Variants in RNF217 observed in about 807,000 individuals in gnomAD.
The protein encoded by RNF217 is E3 ubiquitin-protein ligase RNF217.
A neutral mutation model predicts 57.8 loss-of-function variants in RNF217; 31 were observed. The observed-to-expected ratio is 0.54, with a 90% CI of 0.40 to 0.72. The LOEUF is 0.72. Ranked by LOEUF, RNF217 falls within the 30% of genes least tolerant of loss-of-function variation. RNF217 has a pLI of 0.00. For missense variants in RNF217, 696 were observed against 708.3 expected, an observed-to-expected ratio of 0.98 and a Z score of 0.20; for synonymous variants, 313 against 294.0, an observed-to-expected ratio of 1.06 and a Z score of -0.66.
chr6:125,041,922 C>T (rs1162747341), intron 1 of RNF217, among the ~76,000 whole-genome samples: 1 of 151,882 alleles, frequency 6.6e-6, no homozygotes, highest in East Asian at 1.9e-4. Flanking sequence ...AAAGTAAAAA[C>T]ACTGCAAATT....
In RNF217 at chr6:124,963,135, T is replaced by TCCCAGCACCCGCTCTTCCTTC; in HGVS notation, c.598_618dup (p.Thr200_Ser206dup). The TCCCAGCACCCGCTCTTCCTTC allele has an allele frequency of 6.5e-7, 1 of 1,534,376 alleles. No individual in the cohort carries two copies. Among genetic ancestry groups the TCCCAGCACCCGCTCTTCCTTC allele is most frequent in the Non-Finnish European group, 8.7e-7 (1 of 1,146,164 alleles). On this transcript the variant is annotated inframe_insertion, in exon 1 of 6. Coordinates refer to ENST00000521654, the MANE Select transcript of RNF217 (RefSeq NM_001286398.3). ...CTGGGGCTCCGCCAGTGTTGAACCC[T>TCCCAGCACCCGCTCTTCCTTC]CCCAGCACCCGCTCTTCCTTCCCCA...
At chr6:124,980,137 G>A (rs1562450305) in intron 1 of RNF217, among the ~76,000 whole-genome samples, 4 of 152,028 alleles carry the variant, frequency 2.6e-5, no homozygotes, top group Non-Finnish European at 5.9e-5. Context: ...TTGTTTGTTT[G>A]TTTTTAATGT....
At chr6:125,031,884 T>G (rs539463) in intron 1 of RNF217, among the ~76,000 whole-genome samples, 64,102 of 151,482 alleles carry the variant, frequency 0.42, 13,828 homozygotes, top group African/African-American at 0.52. Context: ...TTTTCACACT[T>G]TTGACAAAGA....
At chr6:124,968,565 G>A (rs190024273) in intron 1 of RNF217, among the ~76,000 whole-genome samples, 16 of 152,216 alleles carry the variant, frequency 1.1e-4, no homozygotes, top group Admixed American at 8.5e-4. Flanking sequence ...GACTTTTTCC[G>A]AGGCATGCTG....
intron 1 of RNF217, among the ~76,000 whole-genome samples, chr6:124,982,419 CT>C (rs1784211989): frequency 6.6e-6 from 1 of 151,968 alleles, no homozygotes; most frequent in South Asian, 2.1e-4. Context: ...ATACAAGATA[CT>C]TTTTCAATAT....
chr6:125,068,295 C>A (rs776804706), intron 3 of RNF217, among the ~76,000 whole-genome samples: 3 of 152,150 alleles, frequency 2.0e-5, no homozygotes, highest in African/African-American at 4.8e-5. Context: ...TTAGTAGATA[C>A]AATGCCATAA....
intron 4 of RNF217, among the ~76,000 whole-genome samples, chr6:125,078,332 AT>A (rs554266470): frequency 3.9e-4 from 60 of 152,160 alleles, no homozygotes; most frequent in African/African-American, 1.1e-3. Context: ...AAATCACTGT[AT>A]TTTTTGCATT....
chr6:125,023,120 T>C (rs1785911402), intron 1 of RNF217, among the ~76,000 whole-genome samples: 1 of 152,150 alleles, frequency 6.6e-6, no homozygotes, highest in South Asian at 2.1e-4. Flanking sequence ...GAGCAAGTCT[T>C]GTTAAGGATC....
intron 5 of RNF217, chr6:125,082,572 C>A: frequency 6.2e-7 from 1 of 1,608,974 alleles, no homozygotes; most frequent in South Asian, 1.1e-5. Flanking sequence ...GTGTGAGTAT[C>A]ATAGTGTGCA....
At position 124,962,631 on chromosome 6, in the gene RNF217, G is replaced by A; in HGVS notation, c.87G>A (p.Glu29=). 7.6e-7 allele frequency: 1 copy of A among 1,319,268 alleles called. No individual in the cohort carries two copies. Among genetic ancestry groups the A allele is most frequent in the East Asian group, 3.2e-5 (1 of 31,372 alleles). The allele number at this position is 1,319,268 out of a possible 1,614,324, so 81.7% of individuals were successfully genotyped here. A position where few individuals can be genotyped will look rare whatever the true frequency, so the allele number is the denominator to read the frequency against. The change falls in exon 1 of 6, where the codon GAG becomes GAA. Residue 29 remains glutamate (E), a synonymous_variant. Coordinates refer to ENST00000521654, the MANE Select transcript of RNF217 (RefSeq NM_001286398.3). This position sits in a 1 kb window ranked among gnomAD's most constrained non-coding sequence, Gnocchi z 4.6. ...TLASGTAGHP[E]PPRPQGDSAR... is the part of the protein sequence containing the mutation. ...CCAGTGGCACTGCGGGCCACCCTGA[G>A]CCCCCGAGGCCTCAGGGGGACAGCG...
intron 1 of RNF217, among the ~76,000 whole-genome samples, chr6:125,012,617 T>C (rs1582707383): frequency 6.6e-6 from 1 of 152,310 alleles, no homozygotes. Context: ...AAATTTATTC[T>C]ATGCAGAATT....
intron 2 of RNF217, among the ~76,000 whole-genome samples, chr6:125,056,257 C>T (rs1272808415): frequency 6.6e-6 from 1 of 152,118 alleles, no homozygotes; most frequent in African/African-American, 2.4e-5. Context: ...TGCTGTGTTA[C>T]CTTCAGCAAG....
chr6:125,084,107 T>G lies in RNF217; in HGVS notation c.*1170T>G, dbSNP rs1278142834. 6.6e-6 allele frequency: 1 copy of G among 152,030 alleles called. No individual in the cohort carries two copies. The highest frequency in any genetic ancestry group is 1.5e-5 in the Non-Finnish European group (1 of 67,956). 9.4% of individuals were successfully genotyped at this position (152,030 alleles called of 1,614,324 possible). On this transcript the variant is annotated 3_prime_UTR_variant, in exon 6 of 6. Coordinates refer to ENST00000521654, the MANE Select transcript of RNF217 (RefSeq NM_001286398.3). Reference sequence around the variant, plus strand: ...GTTATCTCTTGCCTCCTCCTCTCTGTTTTTATTTGTTTTCAAGGTTTTTCA... The same window carrying G: ...GTTATCTCTTGCCTCCTCCTCTCTGGTTTTATTTGTTTTCAAGGTTTTTCA...
chr6:124,985,862 G>A (rs550146999), intron 1 of RNF217, among the ~76,000 whole-genome samples: 2 of 152,144 alleles, frequency 1.3e-5, no homozygotes, highest in African/African-American at 4.8e-5. Flanking sequence ...TTAATAAAGG[G>A]GTGTTGTGAA....
intron 1 of RNF217, among the ~76,000 whole-genome samples, chr6:124,984,838 G>C: frequency 6.6e-6 from 1 of 152,014 alleles, no homozygotes; most frequent in Non-Finnish European, 1.5e-5. Context: ...TCTAAGCAAA[G>C]AATTCCTGCA....
At chr6:124,997,823 CTT>C (rs907697840) in intron 1 of RNF217, among the ~76,000 whole-genome samples, 2 of 152,310 alleles carry the variant, frequency 1.3e-5, no homozygotes. Flanking sequence ...ACTCTACTAA[CTT>C]AATGTATTTC....
rs896878485 is a variant in RNF217, at chr6:125,089,179, A to C, written c.*6242A>C. The stretch of plus-strand genomic sequence containing the variant: ...ACTGCCTAGCCCTCTGCCAAGAAGT[A>C]AGTCAAGCAAATGAAGATACCAGTT... On this transcript the variant is annotated 3_prime_UTR_variant, in exon 6 of 6. Coordinates refer to ENST00000521654, the MANE Select transcript of RNF217 (RefSeq NM_001286398.3). 1 of 152,218 alleles carries C rather than the reference A, an allele frequency of 6.6e-6. No homozygotes were observed. Among genetic ancestry groups the C allele is most frequent in the Non-Finnish European group, 1.5e-5 (1 of 68,022 alleles). The allele number at this position is 152,218 out of a possible 1,614,324, so 9.4% of individuals were successfully genotyped here.
intron 3 of RNF217, among the ~76,000 whole-genome samples, chr6:125,067,206 G>T (rs888335590): frequency 3.3e-5 from 5 of 152,206 alleles, no homozygotes; most frequent in Admixed American, 2.6e-4. Flanking sequence ...CTTAGCGTAA[G>T]GTTTATGCAA....
intron 1 of RNF217, among the ~76,000 whole-genome samples, chr6:125,000,643 A>G (rs758427041): frequency 2.6e-5 from 4 of 152,056 alleles, no homozygotes; most frequent in Non-Finnish European, 2.9e-5. Flanking sequence ...TTGTATGCAT[A>G]TTAGAGAAAT....
Sources: allele counts gnomAD v4.1 joint callset (sites outside exome capture counted in the v4.1 genomes callset), GRCh38; gene constraint gnomAD v4.1.1; non-coding constraint Gnocchi (gnomAD v3.1); transcripts MANE v1.5; gene names NCBI Gene and HGNC (gene_info 2026-07-23, HGNC 2026-07-21).